QTRT2: variants seen among roughly 807,000 people sequenced by gnomAD.
The protein encoded by QTRT2 is queuine tRNA-ribosyltransferase accessory subunit 2, also known as queuine tRNA-ribosyltransferase domain containing 1.
QTRT2 carries 32 observed loss-of-function variants against 44.8 expected under a neutral mutation model. That is an observed-to-expected ratio of 0.71 (90% confidence interval 0.54 to 0.96). The LOEUF (loss-of-function observed/expected upper bound fraction) is 0.96, where lower values mean the gene tolerates loss of function less well. Among genes scored for constraint, QTRT2 ranks in the 40% least tolerant of loss-of-function variants. The pLI is 0.00. For synonymous variants in QTRT2, 182 were observed against 187.4 expected, an observed-to-expected ratio of 0.97 and a Z score of 0.24; for missense variants, 461 against 503.1, an observed-to-expected ratio of 0.92 and a Z score of 0.80.
intron 2 of QTRT2, among the ~76,000 whole-genome samples, chr3:114,063,231 G>A (rs1355367360): frequency 6.6e-6 from 1 of 152,092 alleles, no homozygotes; most frequent in Non-Finnish European, 1.5e-5. Context: ...GCTTCCCCCT[G>A]CTTCAATTCT....
In QTRT2 at chr3:114,070,731, G is replaced by A. The variant is rs1467893361; in HGVS notation, c.439G>A (p.Gly147Arg). 6.2e-7 allele frequency: 1 copy of A among 1,614,094 alleles called. No individual in the cohort carries two copies. The highest frequency in any genetic ancestry group is 1.1e-5 in the South Asian group (1 of 91,070). Residue 147 changes from glycine to arginine, a missense_variant, in exon 6 of 10, where the codon GGA becomes AGA. Physicochemically the swap from Gly to Arg is moderately radical, Grantham distance 125. Coordinates refer to ENST00000281273, the MANE Select transcript of QTRT2 (RefSeq NM_024638.4). ...QPDWFQCLSDGEVSCKEATSI... is the reference protein window; with the variant it reads ...QPDWFQCLSDREVSCKEATSI... ...AGACTGGTTCCAGTGCCTCTCCGAT[G>A]GAGAAGTATCTTGTAAGGAAGCAAC... is the stretch of plus-strand genomic sequence containing the variant.
At chr3:114,074,117 T>TGGTA (rs2077059321) in intron 6 of QTRT2, among the ~76,000 whole-genome samples, 1 of 152,022 alleles carries the variant, frequency 6.6e-6, no homozygotes, top group African/African-American at 2.4e-5. Context: ...GAGTAGAGAG[T>TGGTA]GGTAGCATCA....
At chr3:114,068,772 G>T (rs1330758223) in intron 5 of QTRT2, among the ~76,000 whole-genome samples, 1 of 152,134 alleles carries the variant, frequency 6.6e-6, no homozygotes. Flanking sequence ...CTTTGGCTGG[G>T]TATGGTGGCT....
At position 114,082,729 on chromosome 3, in the gene QTRT2, G is replaced by T; in HGVS notation, c.951G>T (p.Lys317Asn). Reference sequence around the variant, plus strand: ...AAATAAAATGTATGGATCAAATAAAGAAAATTGAAACAACTGGTTGCAACC... The same window carrying T: ...AAATAAAATGTATGGATCAAATAAATAAAATTGAAACAACTGGTTGCAACC... ...QEEIKCMDQI[K>N]KIETTGCNQE... is the part of the protein sequence containing the mutation. The change falls in exon 9 of 10, where the codon AAG (lysine) becomes AAT (asparagine). Residue 317 changes from lysine to asparagine, a missense_variant. Physicochemically the swap from Lys to Asn is moderately conservative, Grantham distance 94. Coordinates refer to ENST00000281273, the MANE Select transcript of QTRT2 (RefSeq NM_024638.4). The T allele has an allele frequency of 1.3e-6, 2 of 1,534,262 alleles. No individual in the cohort carries two copies. Among genetic ancestry groups the T allele is most frequent in the Non-Finnish European group, 1.8e-6 (2 of 1,122,002 alleles).
Position 114,065,339 on chromosome 3 carries a change from A to G in QTRT2, c.82A>G (p.Met28Val), listed in dbSNP as rs1419266911. Reference sequence around the variant, plus strand: ...CCTGGGCAAAACAGGGGACCACACCATGGATATTCCAGGCTGCCTTCTGTA... The same window carrying G: ...CCTGGGCAAAACAGGGGACCACACCGTGGATATTCCAGGCTGCCTTCTGTA... ...KNLGKTGDHT[M>V]DIPGCLLYTK... Residue 28 changes from methionine (M) to valine (V), a missense_variant, in exon 3 of 10, where the codon ATG becomes GTG. Coordinates refer to ENST00000281273, the MANE Select transcript of QTRT2 (RefSeq NM_024638.4). 1.9e-6 allele frequency: 3 copies of G among 1,614,104 alleles called. No homozygotes were observed. Among genetic ancestry groups the G allele is most frequent in the South Asian group, 1.1e-5 (1 of 91,088 alleles).
chr3:114,076,195 C>G (rs1019631461), intron 6 of QTRT2, among the ~76,000 whole-genome samples: 1 of 152,166 alleles, frequency 6.6e-6, no homozygotes, highest in African/African-American at 2.4e-5. Flanking sequence ...GAAACATGGT[C>G]TCACTCTCTT....
intron 6 of QTRT2, 32 bp downstream of exon 6, chr3:114,070,870 T>C (rs1377331351): frequency 6.4e-7 from 1 of 1,561,984 alleles, no homozygotes; most frequent in Non-Finnish European, 8.8e-7. Context: ...CTCCTTTCTC[T>C]TGACACTCTT....
At chr3:114,071,534 G>A (rs2077024208) in intron 6 of QTRT2, among the ~76,000 whole-genome samples, 1 of 152,060 alleles carries the variant, frequency 6.6e-6, no homozygotes, top group East Asian at 1.9e-4. Context: ...TTTGACCTTA[G>A]ATGATCTGCC....
Position 114,056,981 on chromosome 3 carries a change from C to G in QTRT2, c.-129-18C>G. The G allele has an allele frequency of 2.8e-6, 4 of 1,453,966 alleles. No individual in the cohort carries two copies. In the South Asian group the frequency reaches 5.6e-5, roughly 20 times the overall value. The allele number at this position is 1,453,966 out of a possible 1,614,324, so 90.1% of individuals were successfully genotyped here. A position where few individuals can be genotyped will look rare whatever the true frequency, so the allele number is the denominator to read the frequency against. On this transcript the variant is annotated intron_variant, in intron 1 of 9. Coordinates refer to ENST00000281273, the MANE Select transcript of QTRT2 (RefSeq NM_024638.4). ...GGTGATTGTACTCCCGCCATGTCTC[C>G]TCTGCTTCCCTTTTCAGGGTGTCCT...
At chr3:114,084,797 C>T (rs2077214490) in intron 9 of QTRT2, among the ~76,000 whole-genome samples, 1 of 152,184 alleles carries the variant, frequency 6.6e-6, no homozygotes, top group South Asian at 2.1e-4. Context: ...GAATCAAATT[C>T]ATGCAGGGTA....
chr3:114,069,979 G>A (rs559066996), intron 5 of QTRT2, among the ~76,000 whole-genome samples: 2 of 152,298 alleles, frequency 1.3e-5, no homozygotes, highest in African/African-American at 4.8e-5. Flanking sequence ...AAAGAATGGT[G>A]TAATAAGTGC....
intron 2 of QTRT2, among the ~76,000 whole-genome samples, chr3:114,062,848 C>T (rs778922265): frequency 1.8e-4 from 27 of 152,134 alleles, no homozygotes; most frequent in African/African-American, 5.3e-4. Context: ...GAAGGTTCTT[C>T]GTGCCTTTAT....
At chr3:114,085,652 T>A in intron 9 of QTRT2, 21 bp from the exon 10 acceptor site, 1 of 1,593,402 alleles carries the variant, frequency 6.3e-7, no homozygotes, top group Non-Finnish European at 8.6e-7. Context: ...TTCTGGAATG[T>A]CACTGTGACT....
chr3:114,074,072 G>A (rs1223343160), intron 6 of QTRT2, among the ~76,000 whole-genome samples: 2 of 152,226 alleles, frequency 1.3e-5, no homozygotes, highest in African/African-American at 4.8e-5. Context: ...AGCAAGAAGA[G>A]AGTCATCTGT....
At chr3:114,084,661 G>A (rs9881685) in intron 9 of QTRT2, among the ~76,000 whole-genome samples, 15,427 of 152,172 alleles carry the variant, frequency 0.1, 889 homozygotes, top group African/African-American at 0.14. Flanking sequence ...TCCTTTAACT[G>A]TACTAATACA....
At position 114,080,057 on chromosome 3, in the gene QTRT2, C is replaced by T. The variant is rs913315284; in HGVS notation, c.898C>T (p.Leu300=). The part of the protein sequence containing the change: ...FDYQPNPEET[L]LQQNGTQEEI... ...TTACCAGCCGAATCCTGAAGAGACA[C>T]GTAAGTCTTTTGAAGTTTATCTCTT... The change falls in exon 8 of 10, where the codon CTA becomes TTA. Residue 300 remains leucine, a splice_region_variant and synonymous_variant. Transcript: ENST00000281273. The T allele has an allele frequency of 1.4e-5, 23 of 1,590,426 alleles. No homozygotes were observed. Among genetic ancestry groups the T allele is most frequent in the African/African-American group, 2.7e-5 (2 of 73,528 alleles).
chr3:114,081,482 A>G (rs1260396549), intron 8 of QTRT2, among the ~76,000 whole-genome samples: 1 of 152,178 alleles, frequency 6.6e-6, no homozygotes, highest in Admixed American at 6.5e-5. Context: ...TGAAAATTAT[A>G]AGAAAACCTT....
chr3:114,060,387 G>C (rs1184363256), intron 2 of QTRT2, among the ~76,000 whole-genome samples: 7 of 152,116 alleles, frequency 4.6e-5, no homozygotes, highest in Admixed American at 4.6e-4. Flanking sequence ...TTGGTTGTTT[G>C]GTCATCTTCG....
chr3:114,078,845 A>T (rs1056658733), intron 7 of QTRT2: 7 of 152,232 alleles, frequency 4.6e-5, no homozygotes, highest in African/African-American at 1.7e-4. Context: ...CGGATTAAGG[A>T]TGCTCAACCT....
Sources: gnomAD v4.1 joint callset for allele counts (sites outside exome capture counted in the v4.1 genomes callset) on GRCh38, gnomAD v4.1.1 for gene constraint, MANE v1.5 for transcripts, NCBI Gene and HGNC (gene_info 2026-07-23, HGNC 2026-07-21) for gene names.